The following FHIT variants were observed in gnomAD, a reference collection of about 807,000 sequenced individuals.
FHIT encodes bis(5'-adenosyl)-triphosphatase.
In FHIT, 19 loss-of-function variants were observed where a neutral mutation model predicts 17.9. The observed-to-expected ratio is 1.06, with a 90% confidence interval of 0.74 to 1.56. The LOEUF is 1.56. Ranked by LOEUF, FHIT falls within the 40% of genes most tolerant of loss-of-function variation. FHIT has a pLI of 0.00. For synonymous variants in FHIT, 81 were observed against 69.7 expected, an observed-to-expected ratio of 1.16 and a Z score of -0.81; for missense variants, 248 against 189.2, an observed-to-expected ratio of 1.31 and a Z score of -1.82.
intron 3 of FHIT, among the ~76,000 whole-genome samples, chr3:60,992,045 G>A (rs1333064257): frequency 6.6e-6 from 1 of 152,174 alleles, no homozygotes; most frequent in African/African-American, 2.4e-5. Flanking sequence ...TAATTCAGAT[G>A]CTCACCAACA....
At chr3:60,819,497 C>A (rs181702059) in intron 4 of FHIT, among the ~76,000 whole-genome samples, 1 of 152,220 alleles carries the variant, frequency 6.6e-6, no homozygotes, top group East Asian at 1.9e-4. Flanking sequence ...ATCTCTAAAT[C>A]CTGCCTCATT....
intron 5 of FHIT, among the ~76,000 whole-genome samples, chr3:60,393,280 T>C (rs560954673): frequency 3.9e-5 from 6 of 152,064 alleles, no homozygotes; most frequent in African/African-American, 1.4e-4. Flanking sequence ...TAAAGATTTT[T>C]TTTGAGAAAA....
chr3:60,210,399 T>G (rs1703393409), intron 5 of FHIT, among the ~76,000 whole-genome samples: 1 of 152,218 alleles, frequency 6.6e-6, no homozygotes, highest in Non-Finnish European at 1.5e-5. Context: ...TGGGGAAAAC[T>G]TTTCTAACAA....
chr3:60,970,222 G>A (rs1002598586), intron 3 of FHIT, among the ~76,000 whole-genome samples: 9 of 152,114 alleles, frequency 5.9e-5, no homozygotes, highest in African/African-American at 2.2e-4. Flanking sequence ...CTTTTTCAGT[G>A]CTGTTATTTG....
At chr3:61,043,310 G>A (rs59336355) in intron 2 of FHIT, among the ~76,000 whole-genome samples, 3,750 of 152,150 alleles carry the variant, frequency 0.025, 111 homozygotes, top group Admixed American at 0.082. Context: ...ATTATATCCC[G>A]CGCCTAGCTC....
At chr3:61,143,937 G>A (rs1294757495) in intron 2 of FHIT, among the ~76,000 whole-genome samples, 1 of 152,228 alleles carries the variant, frequency 6.6e-6, no homozygotes, top group East Asian at 1.9e-4. Context: ...GCATTCTTTT[G>A]TCTCTAGTAG....
chr3:60,703,693 G>T (rs2041301586), intron 4 of FHIT, among the ~76,000 whole-genome samples: 2 of 152,008 alleles, frequency 1.3e-5, no homozygotes, highest in South Asian at 2.1e-4. Context: ...TTTCTCTATA[G>T]TCTTGAATTG....
chr3:60,989,841 C>T (rs1245041313), intron 3 of FHIT, among the ~76,000 whole-genome samples: 1 of 152,138 alleles, frequency 6.6e-6, no homozygotes, highest in Non-Finnish European at 1.5e-5. Context: ...CAGAAGTTTG[C>T]ATCTGTGCAC....
chr3:60,647,618 C>T (rs2039891858), intron 4 of FHIT, among the ~76,000 whole-genome samples: 1 of 152,132 alleles, frequency 6.6e-6, no homozygotes, highest in Admixed American at 6.6e-5. Flanking sequence ...ATAACAAGGG[C>T]TTGCCAAAAG....
At chr3:60,457,398 A>C (rs1325854495) in intron 5 of FHIT, among the ~76,000 whole-genome samples, 6 of 152,224 alleles carry the variant, frequency 3.9e-5, no homozygotes, top group Non-Finnish European at 8.8e-5. Context: ...CTGAAACTGG[A>C]TCCCTTCCTT....
chr3:60,017,344 A>G (rs1267663310), intron 5 of FHIT, among the ~76,000 whole-genome samples: 1 of 151,956 alleles, frequency 6.6e-6, no homozygotes, highest in African/African-American at 2.4e-5. Flanking sequence ...GAATCGTAAG[A>G]TCAAAAAGGG....
intron 4 of FHIT, among the ~76,000 whole-genome samples, chr3:60,772,831 C>T (rs1203451361): frequency 1.3e-5 from 2 of 152,138 alleles, no homozygotes; most frequent in African/African-American, 4.8e-5. Context: ...GCACCCATGG[C>T]TCTACTTGGA....
chr3:60,515,389 G>C (rs1487878206), intron 5 of FHIT, among the ~76,000 whole-genome samples: 1 of 152,064 alleles, frequency 6.6e-6, no homozygotes, highest in Non-Finnish European at 1.5e-5. Flanking sequence ...GAAATTGAGG[G>C]AATTCGTCCA....
intron 5 of FHIT, among the ~76,000 whole-genome samples, chr3:60,157,199 G>C (rs992149795): frequency 6.6e-6 from 1 of 152,108 alleles, no homozygotes; most frequent in Non-Finnish European, 1.5e-5. Context: ...TAGAGTAATG[G>C]ATTGAAAAAT....
At chr3:60,338,428 T>G (rs1400970700) in intron 5 of FHIT, among the ~76,000 whole-genome samples, 1 of 152,168 alleles carries the variant, frequency 6.6e-6, no homozygotes, top group Non-Finnish European at 1.5e-5. Context: ...TGCAGCGGCA[T>G]GATCTCCACC....
intron 2 of FHIT, among the ~76,000 whole-genome samples, chr3:61,054,090 C>T (rs907311325): frequency 2.6e-5 from 4 of 152,204 alleles, no homozygotes; most frequent in African/African-American, 9.7e-5. Context: ...GAATAAACAG[C>T]ACTGGTGTGG....
chr3:60,615,683 T>C (rs1454581850), intron 4 of FHIT, among the ~76,000 whole-genome samples: 1 of 152,226 alleles, frequency 6.6e-6, no homozygotes, highest in African/African-American at 2.4e-5. Flanking sequence ...TGCTGCAAGA[T>C]ATATTCAGAC....
At chr3:60,162,402 C>A (rs1700978758) in intron 5 of FHIT, among the ~76,000 whole-genome samples, 1 of 152,112 alleles carries the variant, frequency 6.6e-6, no homozygotes, top group South Asian at 2.1e-4. Flanking sequence ...GTTACAAATT[C>A]TCAAGTGCTT....
At chr3:60,665,380 T>C (rs1355373173) in intron 4 of FHIT, among the ~76,000 whole-genome samples, 1 of 152,030 alleles carries the variant, frequency 6.6e-6, no homozygotes, top group Admixed American at 6.6e-5. Context: ...GACATTGAAG[T>C]CCTGAAATAT....
Sources: gnomAD v4.1 joint callset for allele counts (sites outside exome capture counted in the v4.1 genomes callset) on GRCh38, gnomAD v4.1.1 for gene constraint, MANE v1.5 for transcripts, NCBI Gene and HGNC (gene_info 2026-07-23, HGNC 2026-07-21) for gene names.